The following SUFU variants were observed in gnomAD, a reference collection of about 807,000 sequenced individuals.
The protein encoded by SUFU is suppressor of fused homolog.
Under a neutral mutation model 58.9 loss-of-function variants are expected in SUFU, and 7 were observed. That is an observed-to-expected ratio of 0.12 (90% confidence interval 0.07 to 0.22). SUFU has a LOEUF of 0.22. SUFU is among the 10% of genes least tolerant of loss of function. The pLI, the probability that SUFU is intolerant of heterozygous loss-of-function variation, is 1.00. For synonymous variants in SUFU, 232 were observed against 254.8 expected, an observed-to-expected ratio of 0.91 and a Z score of 0.85; for missense variants, 451 against 641.3, an observed-to-expected ratio of 0.70 and a Z score of 3.20.
At chr10:102,611,356 G>A (rs903120164) in intron 8 of SUFU, among the ~76,000 whole-genome samples, 1 of 152,212 alleles carries the variant, frequency 6.6e-6, no homozygotes, top group Non-Finnish European at 1.5e-5. Flanking sequence ...GAGCCCTGGC[G>A]TCACCTCCCT....
chr10:102,528,002 C>T (rs544760773), intron 2 of SUFU, among the ~76,000 whole-genome samples: 1 of 152,188 alleles, frequency 6.6e-6, no homozygotes, highest in South Asian at 2.1e-4. Flanking sequence ...TTAAGAAGAC[C>T]TTTGTAAAGG....
chr10:102,595,440 A>G (rs2063451013), intron 6 of SUFU, among the ~76,000 whole-genome samples: 1 of 152,198 alleles, frequency 6.6e-6, no homozygotes, highest in African/African-American at 2.4e-5. Context: ...CAGGAAGGCT[A>G]TCTTTCCCTA....
At chr10:102,578,907 G>A (rs916577172) in intron 3 of SUFU, among the ~76,000 whole-genome samples, 20 of 151,828 alleles carry the variant, frequency 1.3e-4, no homozygotes, top group African/African-American at 4.6e-4. Context: ...AGAGGCTTGG[G>A]CTCTGCCTTG....
intron 3 of SUFU, among the ~76,000 whole-genome samples, chr10:102,555,760 C>A (rs2135757481): frequency 6.6e-6 from 1 of 151,960 alleles, no homozygotes; most frequent in African/African-American, 2.4e-5. Context: ...CAGAGCAGAT[C>A]ACTCAGCTGC....
intron 2 of SUFU, among the ~76,000 whole-genome samples, chr10:102,513,376 C>G (rs1292109761): frequency 1.3e-5 from 2 of 152,034 alleles, no homozygotes; most frequent in Non-Finnish European, 2.9e-5. Flanking sequence ...GTCTTCTCTT[C>G]AGCAAAAAAG....
intron 10 of SUFU, among the ~76,000 whole-genome samples, chr10:102,624,173 A>G (rs1454931437): frequency 6.6e-6 from 1 of 152,212 alleles, no homozygotes; most frequent in Non-Finnish European, 1.5e-5. Flanking sequence ...GACAGAGCCA[A>G]GCAGCTCTGT....
chr10:102,537,555 C>T (rs867739863), intron 2 of SUFU, among the ~76,000 whole-genome samples: 3 of 152,294 alleles, frequency 2.0e-5, no homozygotes, highest in Middle Eastern at 3.4e-3. Context: ...AACAATAACT[C>T]CCCCTTCTCA....
At chr10:102,616,038 T>C (rs2063683988) in intron 9 of SUFU, among the ~76,000 whole-genome samples, 1 of 145,334 alleles carries the variant, frequency 6.9e-6, no homozygotes, top group African/African-American at 2.5e-5. Flanking sequence ...CACTGGTTTG[T>C]CAGGGTGGGG....
intron 2 of SUFU, among the ~76,000 whole-genome samples, chr10:102,519,527 C>CA (rs35007507): frequency 0.54 from 68,561 of 127,196 alleles, 18,778 homozygotes; most frequent in Middle Eastern, 0.64. Context: ...AACTCTGTCT[C>CA]AAAAAAAAAA....
intron 2 of SUFU, among the ~76,000 whole-genome samples, chr10:102,533,643 T>C (rs1484637181): frequency 6.6e-6 from 1 of 152,116 alleles, no homozygotes; most frequent in East Asian, 1.9e-4. Context: ...GCCATGTCCA[T>C]TCCTTAGCTC....
At chr10:102,572,239 T>G (rs912390413) in intron 3 of SUFU, among the ~76,000 whole-genome samples, 29 of 150,930 alleles carry the variant, frequency 1.9e-4, no homozygotes, top group Admixed American at 4.6e-4. Flanking sequence ...ATAATTTTTT[T>G]TTTTTTTTGT....
intron 2 of SUFU, among the ~76,000 whole-genome samples, chr10:102,537,826 C>A (rs1278106976): frequency 6.6e-6 from 1 of 152,112 alleles, no homozygotes; most frequent in Non-Finnish European, 1.5e-5. Context: ...GTTGCTTCTA[C>A]CTTTTGACTA....
intron 3 of SUFU, among the ~76,000 whole-genome samples, chr10:102,570,940 T>G (rs2063153428): frequency 6.6e-6 from 1 of 152,202 alleles, no homozygotes; most frequent in South Asian, 2.1e-4. Context: ...GTACAGTATT[T>G]TCAGTACACA....
intron 2 of SUFU, among the ~76,000 whole-genome samples, chr10:102,543,078 G>A (rs1320861122): frequency 6.6e-6 from 1 of 152,184 alleles, no homozygotes. Context: ...GTTCTTAGAA[G>A]TGGGATTGCT....
chr10:102,568,071 A>G lies in SUFU; in HGVS notation c.454+17965A>G, dbSNP rs866480993. On this transcript the variant is annotated intron_variant, in intron 3 of 11. Transcript: ENST00000369902. ...ATTGTCTTCTGTCCTTGGCTGGTAC[A>G]CTTTTATTCCCCCAAACAAATATAA... Among the ~76,000 whole-genome samples the G allele has an allele frequency of 7.3e-5, 11 of 151,098 alleles. No individual in the cohort carries two copies. The Middle Eastern group carries it at 0.01, about 140-fold the overall frequency.
Position 102,548,164 on chromosome 10 carries a change from A to G in SUFU, c.318-1806A>G, listed in dbSNP as rs556738667. Among the ~76,000 whole-genome samples the G allele has an allele frequency of 6.6e-5, 10 of 152,284 alleles. No homozygotes were observed. The South Asian group carries it at 1.7e-3, about 25-fold the overall frequency. On this transcript the variant is annotated intron_variant, in intron 2 of 11. Transcript: ENST00000369902. Reference sequence around the variant, plus strand: ...GCGAGACCCTGTCTCAAAAAAATACATAGATGATAGAGAGATAGAGAGATA... The same window carrying G: ...GCGAGACCCTGTCTCAAAAAAATACGTAGATGATAGAGAGATAGAGAGATA...
chr10:102,622,437 C>T (rs2063747342), intron 10 of SUFU, among the ~76,000 whole-genome samples: 1 of 151,926 alleles, frequency 6.6e-6, no homozygotes, highest in Non-Finnish European at 1.5e-5. Context: ...TGGAGAAACC[C>T]CATCTCTACT....
At chr10:102,503,862 A>T (rs2062280910), upstream of SUFU, 1 of 395,644 alleles carries the variant, frequency 2.5e-6, no homozygotes, top group Non-Finnish European at 4.6e-6. Context: ...TTGTCAAGTC[A>T]CACCTTCCCT....
intron 2 of SUFU, among the ~76,000 whole-genome samples, chr10:102,527,401 A>G (rs929941561): frequency 6.6e-6 from 1 of 152,204 alleles, no homozygotes. Context: ...GTGGGACCTC[A>G]GCTTTAGTAT....
Sources: gnomAD v4.1 joint callset for allele counts (sites outside exome capture counted in the v4.1 genomes callset) on GRCh38, gnomAD v4.1.1 for gene constraint, MANE v1.5 for transcripts, NCBI Gene and HGNC (gene_info 2026-07-23, HGNC 2026-07-21) for gene names.